TNC: variants seen among roughly 807,000 people sequenced by gnomAD.
TNC encodes the protein tenascin C.
Under a neutral mutation model 202.4 loss-of-function variants are expected in TNC, and 109 were observed. The observed-to-expected ratio is 0.54, with a 90% CI of 0.46 to 0.63. TNC has a LOEUF of 0.63. TNC is among the 30% of genes least tolerant of loss of function. The probability of loss-of-function intolerance (pLI) is 0.00; values close to 1 mark genes in which losing one functional copy is unlikely to be tolerated. For synonymous variants in TNC, 1,007 were observed against 1,089.7 expected (o/e 0.92, Z 1.50); for missense variants, 2,756 against 2,833.3 (o/e 0.97, Z 0.62).
At chr9:115,104,421 A>C (rs1174330960) in intron 1 of TNC, among the ~76,000 whole-genome samples, 2 of 152,192 alleles carry the variant, frequency 1.3e-5, no homozygotes, top group Non-Finnish European at 2.9e-5. Context: ...CCAAAGTCAG[A>C]AATTTAGTCC....
At chr9:115,111,399 CTTTTTTTTTTTTTTTT>C (rs71375272) in intron 1 of TNC, among the ~76,000 whole-genome samples, 1 of 71,342 alleles carries the variant, frequency 1.4e-5, no homozygotes, top group Non-Finnish European at 2.4e-5. Context: ...CTCTCTCTCT[CTTTTTTTTTTTTTTTT>C]TTTTTTTTTT....
intron 7 of TNC, among the ~76,000 whole-genome samples, chr9:115,077,082 ACGGAGT>A (rs1833918251): frequency 6.7e-6 from 1 of 150,054 alleles, no homozygotes; most frequent in African/African-American, 2.5e-5. Context: ...TTTTTTTGAG[ACGGAGT>A]CTCGCTCTTC....
intron 2 of TNC, among the ~76,000 whole-genome samples, chr9:115,087,857 AT>A (rs1834917533): frequency 1.3e-5 from 2 of 151,706 alleles, no homozygotes; most frequent in Admixed American, 1.3e-4. Flanking sequence ...GCCCGCCACC[AT>A]GCCCGGCTAA....
At chr9:115,109,654 C>T (rs1217906898) in intron 1 of TNC, among the ~76,000 whole-genome samples, 3 of 152,220 alleles carry the variant, frequency 2.0e-5, no homozygotes, top group Non-Finnish European at 2.9e-5. Flanking sequence ...ACTCCTCTGT[C>T]CTTGGTACTG....
At chr9:115,032,744 C>G (rs942178897) in intron 22 of TNC, among the ~76,000 whole-genome samples, 5 of 152,220 alleles carry the variant, frequency 3.3e-5, no homozygotes, top group Non-Finnish European at 5.9e-5. Flanking sequence ...TCACATGTCT[C>G]TCTTCTAGAA....
chr9:115,034,564 T>C (rs891055780), intron 22 of TNC, among the ~76,000 whole-genome samples: 5 of 152,080 alleles, frequency 3.3e-5, no homozygotes, highest in South Asian at 2.1e-4. Context: ...GATGATGATA[T>C]AGGAAGCACA....
Position 115,073,785 on chromosome 9 carries a change from T to G in TNC, c.3032A>C (p.Lys1011Thr), listed in dbSNP as rs1833638538. The G allele has an allele frequency of 2.5e-6, 4 of 1,614,104 alleles. No homozygotes were observed. The highest frequency in any genetic ancestry group is 3.4e-6 in the Non-Finnish European group (4 of 1,180,018). The change falls in exon 10 of 28, where the codon AAA becomes ACA. Residue 1011 changes from lysine (K) to threonine (T), a missense_variant. Transcript: ENST00000350763. ...GTAATTGAGGCGGTAGCGGTCAAAT[T>G]TGGCCAACGGTGTCTTCCAGAGCAG... Reference protein sequence around the residue: ...LTLLWKTPLAKFDRYRLNYSL... With the variant: ...LTLLWKTPLATFDRYRLNYSL...
Position 115,086,802 on chromosome 9 carries a change from C to T in TNC, c.929G>A (p.Cys310Tyr). ...VCDEGFTGED[C>Y]SELICPNDCF... ...GTCATTGGGGCAGATGAGCTCACTG[C>T]AGTCTTCGCCCGTGAAACCCTCATC... is the stretch of plus-strand genomic sequence containing the variant. The change falls in exon 3 of 28, where the codon TGC becomes TAC. Residue 310 changes from cysteine (C) to tyrosine (Y), a missense_variant. Cys to Tyr is a radical substitution (Grantham distance 194). Around this residue, in one of 2 missense-constraint regions of TNC, gnomAD observed 2,559 missense variants for 2,546.0 expected, o/e 1.01. Coordinates refer to ENST00000350763, the MANE Select transcript of TNC (RefSeq NM_002160.4). 1 of 1,614,094 alleles carries T rather than the reference C, an allele frequency of 6.2e-7. No homozygotes were observed. The highest frequency in any genetic ancestry group is 1.6e-4 in the Middle Eastern group (1 of 6,062).
intron 1 of TNC, among the ~76,000 whole-genome samples, chr9:115,117,392 G>A (rs1252484625): frequency 6.6e-6 from 1 of 152,178 alleles, no homozygotes; most frequent in African/African-American, 2.4e-5. Flanking sequence ...CTCTCTAGCT[G>A]CCTGTCAGTT....
At chr9:115,026,904 T>C (rs1354584523) in intron 25 of TNC, among the ~76,000 whole-genome samples, 2 of 150,216 alleles carry the variant, frequency 1.3e-5, no homozygotes, top group African/African-American at 4.9e-5. Flanking sequence ...AGGTCAGGAG[T>C]TCGTTATCAG....
At chr9:115,029,588 A>G in intron 24 of TNC, 132 bp from the exon 25 acceptor site, 1 of 885,242 alleles carries the variant, frequency 1.1e-6, no homozygotes. Context: ...TTTGCTATGT[A>G]ACTTTGGGTG....
intron 15 of TNC, chr9:115,052,994 G>A (rs11794797): frequency 0.22 from 155,131 of 700,438 alleles, 18,064 homozygotes; most frequent in South Asian, 0.25. Flanking sequence ...AAAGATTAGC[G>A]TGCCCAACTG....
At chr9:115,057,075 G>T (rs1159460930) in intron 15 of TNC, 78 bp downstream of exon 15, 1 of 1,501,222 alleles carries the variant, frequency 6.7e-7, no homozygotes. Flanking sequence ...ACATCAATGG[G>T]AGAGGAGAAG....
At position 115,048,350 on chromosome 9, in the gene TNC, C is replaced by T. The variant is rs1295359592; in HGVS notation, c.4762G>A (p.Gly1588Ser). Residue 1588 changes from glycine to serine, a missense_variant, in exon 16 of 28, where the codon GGC becomes AGC. Gly to Ser is a moderately conservative substitution (Grantham distance 56). Coordinates refer to ENST00000350763, the MANE Select transcript of TNC (RefSeq NM_002160.4). ...TCATAGCCAATGCCAGTTATGAGGC[C>T]TCTAAGCTCCAGCTTCCTCTGGGTT... ...SGTQRKLELRGLITGIGYEVM... is the reference protein window; with the variant it reads ...SGTQRKLELRSLITGIGYEVM... The T allele has an allele frequency of 1.9e-6, 3 of 1,613,970 alleles. No individual in the cohort carries two copies. Among genetic ancestry groups the T allele is most frequent in the African/African-American group, 2.7e-5 (2 of 74,902 alleles).
chr9:115,063,024 C>A lies in TNC; in HGVS notation c.3926G>T (p.Arg1309Leu), dbSNP rs201628545. The A allele has an allele frequency of 4.9e-5, 79 of 1,613,964 alleles. No individual in the cohort carries two copies. The highest frequency in any genetic ancestry group is 5.8e-5 in the Non-Finnish European group (69 of 1,180,026). ...AHNLTVPGSL[R>L]SMEIPGLRAG... ...CCTGAGGCCTGGGATTTCCATGGAA[C>A]GCAGGCTGCCAGGAACCGTGAGATT... Residue 1309 changes from arginine (R) to leucine (L), a missense_variant, in exon 13 of 28, where the codon CGT (arginine) becomes CTT (leucine). This residue lies in a region of TNC where 2,559 missense variants were observed against 2,546.0 expected (regional missense o/e 1.01). Coordinates refer to ENST00000350763, the MANE Select transcript of TNC (RefSeq NM_002160.4).
intron 1 of TNC, among the ~76,000 whole-genome samples, chr9:115,110,736 C>T (rs141602389): frequency 9.1e-4 from 139 of 152,242 alleles, no homozygotes; most frequent in African/African-American, 3.2e-3. Context: ...GAATCATTGC[C>T]GTGAAAGGCC....
At chr9:115,057,946 C>T (rs6478129) in intron 14 of TNC, among the ~76,000 whole-genome samples, 1,994 of 152,284 alleles carry the variant, frequency 0.013, 47 homozygotes, top group African/African-American at 0.045. Context: ...TAACTTGAGG[C>T]TTCTGATTTT....
chr9:115,081,860 A>T lies in TNC; in HGVS notation c.2316T>A (p.Gly772=), dbSNP rs558636487. The stretch of plus-strand genomic sequence containing the variant: ...TCTCATACTCTTGCCCAGGAGCTAG[A>T]CCAGTTTGCCGGTAAGAGGTCTCTG... ...RRPETSYRQT[G]LAPGQEYEIS... is the part of the protein sequence containing the mutation. Residue 772 remains glycine (G), a synonymous_variant, in exon 6 of 28, where the codon GGT becomes GGA. Transcript: ENST00000350763. The T allele has an allele frequency of 6.4e-5, 103 of 1,605,104 alleles. 1 individual carries two copies. The South Asian group carries it at 1.1e-3, about 18-fold the overall frequency.
Position 115,041,061 on chromosome 9 carries a change from C to A in TNC, c.5272G>T (p.Asp1758Tyr), listed in dbSNP as rs768889447. Reference protein sequence around the residue: ...TGGTPSMVTVDGTKTQTRLVK... With the variant: ...TGGTPSMVTVYGTKTQTRLVK... ...AGCCTGGTCTGAGTCTTGGTTCCGTCCACAGTTACCATGGAGGGTGTACCT... is the reference window on the plus strand; with the variant it reads ...AGCCTGGTCTGAGTCTTGGTTCCGTACACAGTTACCATGGAGGGTGTACCT... Residue 1758 changes from aspartate (D) to tyrosine (Y), a missense_variant, in exon 19 of 28, where the codon GAC (aspartate) becomes TAC (tyrosine). This residue lies in a region of TNC where 2,559 missense variants were observed against 2,546.0 expected (regional missense o/e 1.01). Coordinates refer to ENST00000350763, the MANE Select transcript of TNC (RefSeq NM_002160.4). The A allele has an allele frequency of 1.2e-6, 2 of 1,613,758 alleles. No homozygotes were observed. Among genetic ancestry groups the A allele is most frequent in the East Asian group, 2.2e-5 (1 of 44,890 alleles).
Sources: allele counts gnomAD v4.1 joint callset (sites outside exome capture counted in the v4.1 genomes callset), GRCh38; gene constraint gnomAD v4.1.1; regional missense constraint gnomAD v4.1.1; transcripts MANE v1.5; gene names NCBI Gene and HGNC (gene_info 2026-07-23, HGNC 2026-07-21).